Variants in TIAM1 observed in about 807,000 individuals in gnomAD.
The protein encoded by TIAM1 is rho guanine nucleotide exchange factor TIAM1.
In TIAM1, 65 loss-of-function variants were observed where a neutral mutation model predicts 163.5. The ratio of observed to expected loss-of-function variants is 0.40; its 90% CI spans 0.33 to 0.49. The LOEUF is 0.49. TIAM1 is among the 20% of genes least tolerant of loss of function. The pLI is 0.77. For missense variants in TIAM1, 1,789 were observed against 2,044.7 expected (o/e 0.87, Z 2.41); for synonymous variants, 833 against 810.1 (o/e 1.03, Z -0.48).
At chr21:31,530,324 T>C (rs2047930996) in intron 1 of TIAM1, among the ~76,000 whole-genome samples, 1 of 152,236 alleles carries the variant, frequency 6.6e-6, no homozygotes, top group African/African-American at 2.4e-5. Flanking sequence ...GACAAGGCAA[T>C]TGAGGCTGAG....
At chr21:31,465,735 G>A (rs930023839) in intron 1 of TIAM1, among the ~76,000 whole-genome samples, 7 of 152,176 alleles carry the variant, frequency 4.6e-5, no homozygotes, top group African/African-American at 9.6e-5. Context: ...CATGCCCAGC[G>A]AATTTTTTGT....
chr21:31,355,173 C>CAA (rs35512560), intron 2 of TIAM1, among the ~76,000 whole-genome samples: 199 of 128,592 alleles, frequency 1.5e-3, no homozygotes, highest in African/African-American at 5.3e-3. Flanking sequence ...CCCCCACCAC[C>CAA]AAAAAAAAAA....
At chr21:31,546,779 C>T (rs992141151) in intron 1 of TIAM1, among the ~76,000 whole-genome samples, 6 of 152,148 alleles carry the variant, frequency 3.9e-5, no homozygotes, top group African/African-American at 7.2e-5. Flanking sequence ...CAGAATTCCA[C>T]GAAGTAACTT....
In TIAM1 at chr21:31,204,758, A is replaced by G. The variant is rs549497275; in HGVS notation, c.2389-1746T>C. Among the ~76,000 whole-genome samples the G allele has an allele frequency of 2.9e-4, 44 of 152,372 alleles. No homozygotes were observed. The South Asian group carries it at 8.7e-3, about 30-fold the overall frequency. On this transcript the variant is annotated intron_variant, in intron 11 of 27. Coordinates refer to ENST00000541036, the MANE Select transcript of TIAM1 (RefSeq NM_001353694.2). ...GCATTTTAAATAAATATGTACATGC[A>G]GGACAGGCAACCTGCATTCTTGTAA... is the stretch of plus-strand genomic sequence containing the variant.
intron 2 of TIAM1, among the ~76,000 whole-genome samples, chr21:31,407,623 C>T (rs116963906): frequency 0.033 from 4,745 of 145,436 alleles, 126 homozygotes; most frequent in Middle Eastern, 0.049. Context: ...GAGTCATTTG[C>T]TCTTAATTTT....
At chr21:31,528,462 G>C (rs2047857825) in intron 1 of TIAM1, among the ~76,000 whole-genome samples, 1 of 151,898 alleles carries the variant, frequency 6.6e-6, no homozygotes, top group Non-Finnish European at 1.5e-5. Context: ...AGGCTGCAGT[G>C]AGCTAGGATC....
At chr21:31,343,353 T>C (rs2076074550) in intron 1 of TIAM1, among the ~76,000 whole-genome samples, 1 of 152,178 alleles carries the variant, frequency 6.6e-6, no homozygotes, top group Non-Finnish European at 1.5e-5. Context: ...GAGCTAAGTT[T>C]ATCCTTTGCT....
intron 6 of TIAM1, among the ~76,000 whole-genome samples, chr21:31,243,055 G>A (rs954129619): frequency 1.3e-5 from 2 of 149,932 alleles, no homozygotes; most frequent in African/African-American, 4.9e-5. Flanking sequence ...AGCTGGGCTT[G>A]GTGGCACATG....
chr21:31,248,548 A>G (rs1324349630), intron 5 of TIAM1, among the ~76,000 whole-genome samples: 1 of 152,222 alleles, frequency 6.6e-6, no homozygotes, highest in African/African-American at 2.4e-5. Context: ...GACTAATTCC[A>G]AATGAAATCT....
At chr21:31,396,300 A>G (rs1241961523) in intron 2 of TIAM1, among the ~76,000 whole-genome samples, 1 of 152,096 alleles carries the variant, frequency 6.6e-6, no homozygotes, top group Non-Finnish European at 1.5e-5. Context: ...TTTCCCACGC[A>G]TGCCTCCTGC....
At chr21:31,418,044 A>G (rs1333887139) in intron 2 of TIAM1, among the ~76,000 whole-genome samples, 2 of 152,076 alleles carry the variant, frequency 1.3e-5, no homozygotes, top group Non-Finnish European at 2.9e-5. Flanking sequence ...GCAGAGTGAC[A>G]CTATCTGACT....
chr21:31,360,499 T>G (rs1463760868), intron 2 of TIAM1, among the ~76,000 whole-genome samples: 1 of 152,144 alleles, frequency 6.6e-6, no homozygotes, highest in East Asian at 1.9e-4. Context: ...AATCCTGAGG[T>G]TTTTTTAATA....
intron 20 of TIAM1, among the ~76,000 whole-genome samples, chr21:31,144,970 T>A (rs1402945858): frequency 6.6e-6 from 1 of 152,130 alleles, no homozygotes; most frequent in Non-Finnish European, 1.5e-5. Flanking sequence ...TTTAATCTAA[T>A]TGAGTGATTA....
intron 2 of TIAM1, among the ~76,000 whole-genome samples, chr21:31,379,183 G>C (rs2076737419): frequency 6.6e-6 from 1 of 152,176 alleles, no homozygotes; most frequent in Non-Finnish European, 1.5e-5. Flanking sequence ...TGTTGGCTAG[G>C]CTGGTCTTGA....
At chr21:31,302,207 T>C (rs1479025683) in intron 2 of TIAM1, among the ~76,000 whole-genome samples, 1 of 152,100 alleles carries the variant, frequency 6.6e-6, no homozygotes, top group Non-Finnish European at 1.5e-5. Flanking sequence ...GGGTTAAAAA[T>C]CACTTTAAGT....
At chr21:31,169,629 G>A (rs114327868) in intron 15 of TIAM1, among the ~76,000 whole-genome samples, 3 of 152,174 alleles carry the variant, frequency 2.0e-5, no homozygotes, top group Admixed American at 6.5e-5. Flanking sequence ...GAAAAAGTTC[G>A]CTAAAGGATG....
chr21:31,455,929 G>A (rs1373111617), intron 2 of TIAM1, among the ~76,000 whole-genome samples: 1 of 152,188 alleles, frequency 6.6e-6, no homozygotes, highest in African/African-American at 2.4e-5. Flanking sequence ...TGCTTACAAA[G>A]GACATTCCAG....
intron 1 of TIAM1, among the ~76,000 whole-genome samples, chr21:31,523,999 G>A (rs1246849555): frequency 2.1e-5 from 3 of 146,040 alleles, no homozygotes; most frequent in African/African-American, 7.4e-5. Flanking sequence ...CCTGGGTGAC[G>A]AAGCCAGACC....
intron 1 of TIAM1, among the ~76,000 whole-genome samples, chr21:31,466,791 A>G (rs2045548868): frequency 6.6e-6 from 1 of 152,166 alleles, no homozygotes; most frequent in Admixed American, 6.6e-5. Flanking sequence ...AAAATCTAGA[A>G]ATGGCCGTTT....
Sources: gnomAD v4.1 joint callset for allele counts (sites outside exome capture counted in the v4.1 genomes callset) on GRCh38, gnomAD v4.1.1 for gene constraint, MANE v1.5 for transcripts, NCBI Gene and HGNC (gene_info 2026-07-23, HGNC 2026-07-21) for gene names.